Variants in DCC observed in about 807,000 individuals in gnomAD.
DCC encodes netrin receptor DCC.
DCC carries 58 observed loss-of-function variants against 172.5 expected under a neutral mutation model. That is an observed-to-expected ratio of 0.34 (90% CI 0.27 to 0.42). The LOEUF (loss-of-function observed/expected upper bound fraction) is 0.42. Among genes scored for constraint, DCC ranks in the 10% least tolerant of loss-of-function variants. The pLI is 1.00. For synonymous variants in DCC, 709 were observed against 644.5 expected, an observed-to-expected ratio of 1.10 and a Z score of -1.52; for missense variants, 1,740 against 1,791.0, an observed-to-expected ratio of 0.97 and a Z score of 0.51.
chr18:52,701,736 T>C (rs536357580), intron 1 of DCC, among the ~76,000 whole-genome samples: 1 of 152,288 alleles, frequency 6.6e-6, no homozygotes, highest in African/African-American at 2.4e-5. Context: ...CACCTCTTCC[T>C]ATCCTCTACC....
chr18:52,859,002 A>C (rs1470856457), intron 2 of DCC, among the ~76,000 whole-genome samples: 2 of 152,050 alleles, frequency 1.3e-5, no homozygotes, highest in Admixed American at 6.6e-5. Context: ...CTTACTTTTC[A>C]TATATTAGTG....
At chr18:52,649,938 C>A (rs1485992736) in intron 1 of DCC, among the ~76,000 whole-genome samples, 2 of 151,474 alleles carry the variant, frequency 1.3e-5, no homozygotes, top group Admixed American at 6.6e-5. Context: ...AGGTAGACAC[C>A]CAGCAGTGGG....
chr18:52,598,499 T>G (rs1461056408), intron 1 of DCC, among the ~76,000 whole-genome samples: 2 of 152,106 alleles, frequency 1.3e-5, no homozygotes, highest in Non-Finnish European at 2.9e-5. Context: ...AGTGAACGCT[T>G]TTCTATAGAC....
chr18:53,528,229 C>A (rs1014954199), intron 28 of DCC, among the ~76,000 whole-genome samples: 4 of 151,760 alleles, frequency 2.6e-5, no homozygotes. Context: ...TTTTTCAATA[C>A]TACAAACAAT....
At chr18:53,346,267 G>A (rs908800905) in intron 15 of DCC, among the ~76,000 whole-genome samples, 3 of 151,966 alleles carry the variant, frequency 2.0e-5, no homozygotes, top group Admixed American at 1.3e-4. Flanking sequence ...TTATATAGAG[G>A]CATAGTCATT....
chr18:52,650,282 ATTTT>A (rs1458394535), intron 1 of DCC, among the ~76,000 whole-genome samples: 1 of 151,944 alleles, frequency 6.6e-6, no homozygotes, highest in African/African-American at 2.4e-5. Context: ...CCCGGCCTCT[ATTTT>A]TATTTCTTTA....
chr18:52,369,859 C>T (rs77746155), intron 1 of DCC, among the ~76,000 whole-genome samples: 1,831 of 152,186 alleles, frequency 0.012, 41 homozygotes, highest in African/African-American at 0.041. Context: ...AGGATTACTA[C>T]GTTTGAGTCA....
intron 5 of DCC, chr18:52,940,991 G>C (rs969325167): frequency 6.6e-6 from 1 of 152,116 alleles, no homozygotes; most frequent in African/African-American, 2.4e-5. Flanking sequence ...TAACTGAAAT[G>C]ATCAAAGGAA....
chr18:53,157,063 C>G (rs559577460), intron 7 of DCC, among the ~76,000 whole-genome samples: 27 of 152,282 alleles, frequency 1.8e-4, no homozygotes, highest in Non-Finnish European at 3.5e-4. Flanking sequence ...CTCCCCTTTT[C>G]TTCCCTGAGC....
intron 5 of DCC, among the ~76,000 whole-genome samples, chr18:53,018,783 C>T (rs1442331607): frequency 1.3e-5 from 2 of 152,130 alleles, no homozygotes; most frequent in Non-Finnish European, 2.9e-5. Flanking sequence ...TGCTCTTTGC[C>T]TTCAGTTTTA....
chr18:53,171,037 A>G (rs2055006267), intron 8 of DCC, among the ~76,000 whole-genome samples: 1 of 152,090 alleles, frequency 6.6e-6, no homozygotes, highest in Admixed American at 6.6e-5. Context: ...GGCTCATGCC[A>G]CCATGCCCGG....
chr18:52,711,586 A>C (rs1728676983), intron 1 of DCC, among the ~76,000 whole-genome samples: 2 of 152,150 alleles, frequency 1.3e-5, no homozygotes, highest in African/African-American at 4.8e-5. Context: ...GTGCTCTCAG[A>C]CTTTAAGTTG....
chr18:53,127,598 T>C (rs1054619765), intron 7 of DCC, among the ~76,000 whole-genome samples: 5 of 152,140 alleles, frequency 3.3e-5, no homozygotes, highest in Admixed American at 2.6e-4. Flanking sequence ...TTGGATCTGT[T>C]TATGTTTGGC....
chr18:52,849,155 CAT>C (rs1410139321), intron 2 of DCC, among the ~76,000 whole-genome samples: 2 of 151,920 alleles, frequency 1.3e-5, no homozygotes, highest in Admixed American at 1.3e-4. Context: ...AGTTGAAAAT[CAT>C]ATAGTTGGGA....
chr18:53,226,422 C>A (rs1311764674), intron 12 of DCC, among the ~76,000 whole-genome samples: 2 of 151,984 alleles, frequency 1.3e-5, no homozygotes, highest in Non-Finnish European at 2.9e-5. Flanking sequence ...AGTGAACCTA[C>A]ATGGAAGATT....
intron 2 of DCC, among the ~76,000 whole-genome samples, chr18:52,838,605 CAAT>C (rs1295655155): frequency 6.6e-6 from 1 of 152,068 alleles, no homozygotes; most frequent in African/African-American, 2.4e-5. Context: ...AAGTATTAAA[CAAT>C]AATAAGTATT....
At chr18:53,183,727 C>G (rs1460372951) in intron 9 of DCC, among the ~76,000 whole-genome samples, 1 of 152,014 alleles carries the variant, frequency 6.6e-6, no homozygotes, top group Non-Finnish European at 1.5e-5. Flanking sequence ...AATATATTAT[C>G]TAGAGGAATA....
chr18:52,892,006 A>G (rs752955775), intron 2 of DCC, among the ~76,000 whole-genome samples: 134 of 152,220 alleles, frequency 8.8e-4, no homozygotes, highest in Non-Finnish European at 1.7e-3. Context: ...TGGTTGAAAT[A>G]AAATGCAGAC....
At chr18:52,700,320 AC>A (rs1473841027) in intron 1 of DCC, among the ~76,000 whole-genome samples, 4 of 141,922 alleles carry the variant, frequency 2.8e-5, no homozygotes, top group African/African-American at 1.1e-4. Flanking sequence ...ACACATGCAC[AC>A]TCACGGAATG....
Sources: allele counts gnomAD v4.1 joint callset (sites outside exome capture counted in the v4.1 genomes callset), GRCh38; gene constraint gnomAD v4.1.1; transcripts MANE v1.5; gene names NCBI Gene and HGNC (gene_info 2026-07-23, HGNC 2026-07-21).